NBEA: variants seen among roughly 807,000 people sequenced by gnomAD.
NBEA encodes neurobeachin.
A neutral mutation model predicts 343.4 loss-of-function variants in NBEA; 44 were observed. That is an observed-to-expected ratio of 0.13 (90% confidence interval 0.10 to 0.16). The LOEUF is 0.16. Among genes scored for constraint, NBEA ranks in the 10% least tolerant of loss-of-function variants. The pLI is 1.00. For synonymous variants in NBEA, 1,175 were observed against 1,238.7 expected, an observed-to-expected ratio of 0.95 and a Z score of 1.08; for missense variants, 2,555 against 3,631.3, an observed-to-expected ratio of 0.70 and a Z score of 7.62.
Position 34,993,031 on chromosome 13 carries a change from A to G in NBEA, c.295-47902A>G, listed in dbSNP as rs111407875. Among the ~76,000 whole-genome samples, 245 of 152,054 alleles carry G rather than the reference A, an allele frequency of 1.6e-3. 1 individual carries two copies. The highest frequency in any genetic ancestry group is 4.5e-3 in the African/African-American group (185 of 41,518). ...CTTCTGAGCCCTTGCATGATCTCCA[A>G]TGAGTCTCATCTCCTGCTACTGTTG... On this transcript the variant is annotated intron_variant, in intron 1 of 58. Transcript: ENST00000379939.
rs573000370 is a variant in NBEA at position 35,169,060 on chromosome 13, A to G, written c.4242+65A>G. ...CAAGTTTTATTTTTACTTATTTATG[A>G]AATTTTTGACTTGGTTATATTTTGA... On this transcript the variant is annotated intron_variant, in intron 25 of 58. Transcript: ENST00000379939. The G allele has an allele frequency of 1.2e-3, 1,541 of 1,290,456 alleles. 39 individuals are homozygous for G. In the South Asian group the frequency reaches 0.023, roughly 19 times the overall value. 79.9% of individuals were successfully genotyped at this position (1,290,456 alleles called of 1,614,324 possible). A position where few individuals can be genotyped will look rare whatever the true frequency, so the allele number is the denominator to read the frequency against.
intron 1 of NBEA, among the ~76,000 whole-genome samples, chr13:34,962,814 T>G (rs529449656): frequency 5.3e-5 from 8 of 152,044 alleles, no homozygotes; most frequent in Non-Finnish European, 1.2e-4. Context: ...AGATGTGTTT[T>G]GTGAAGATTT....
chr13:35,159,701 A>G lies in NBEA; in HGVS notation c.3530A>G (p.His1177Arg). 1.2e-6 allele frequency: 2 copies of G among 1,613,102 alleles called. No homozygotes were observed. Among genetic ancestry groups the G allele is most frequent in the South Asian group, 2.2e-5 (2 of 90,988 alleles). Residue 1177 changes from histidine (H) to arginine (R), a missense_variant, in exon 22 of 59, where the codon CAT becomes CGT. This residue lies in a region of NBEA where 367 missense variants were observed against 377.5 expected (regional missense o/e 0.97). Coordinates refer to ENST00000379939, the MANE Select transcript of NBEA (RefSeq NM_001385012.1). ...CCAAATATTCAGGACACACAAGTAC[A>G]TCTTGGTGTTAGTGATGATCTTGGA... The part of the protein sequence containing the change: ...IIPNIQDTQV[H>R]LGVSDDLGLL...
Position 35,575,314 on chromosome 13 carries a change from G to A in NBEA, c.7035+8297G>A, listed in dbSNP as rs2080682433. Among the ~76,000 whole-genome samples, 3 of 152,160 alleles carry A rather than the reference G, an allele frequency of 2.0e-5. No homozygotes were observed. The South Asian group carries it at 6.2e-4, about 31-fold the overall frequency. The stretch of plus-strand genomic sequence containing the variant: ...AACAGTATAAAATTGCAAAGGGAAT[G>A]TTTAATCCACACTTACAAGAACGTA... On this transcript the variant is annotated intron_variant, in intron 45 of 58. Coordinates refer to ENST00000379939, the MANE Select transcript of NBEA (RefSeq NM_001385012.1).
chr13:34,948,400 A>G (rs1202622268), intron 1 of NBEA, among the ~76,000 whole-genome samples: 1 of 152,184 alleles, frequency 6.6e-6, no homozygotes, highest in Admixed American at 6.5e-5. Context: ...GTAAATTCTT[A>G]AGAGTTGTAG....
intron 41 of NBEA, among the ~76,000 whole-genome samples, chr13:35,528,802 A>C (rs552628824): frequency 1.3e-5 from 2 of 152,314 alleles, no homozygotes; most frequent in East Asian, 3.9e-4. Context: ...AAACTAAGTC[A>C]TATCTTCTTA....
intron 38 of NBEA, among the ~76,000 whole-genome samples, chr13:35,356,896 C>T (rs1594334332): frequency 6.6e-6 from 1 of 152,126 alleles, no homozygotes. Context: ...GAGTGGATTT[C>T]TCTGACCTTT....
intron 34 of NBEA, among the ~76,000 whole-genome samples, chr13:35,284,635 A>G (rs966008245): frequency 6.6e-6 from 1 of 152,088 alleles, no homozygotes; most frequent in Non-Finnish European, 1.5e-5. Flanking sequence ...CATTATTGTT[A>G]TTTCAAAGGA....
chr13:35,649,638 C>G lies in NBEA; in HGVS notation c.7771-17C>G. The G allele has an allele frequency of 6.3e-7, 1 of 1,596,652 alleles. No homozygotes were observed. The highest frequency in any genetic ancestry group is 2.2e-5 in the East Asian group (1 of 44,766). On this transcript the variant is annotated splice_polypyrimidine_tract_variant and intron_variant, in intron 51 of 58. Coordinates refer to ENST00000379939, the MANE Select transcript of NBEA (RefSeq NM_001385012.1). ...TCCTTTTGTCTTCCTCTGTTCTCTT[C>G]CCTTTCTATTCAACAGTGTTTCCTT...
rs534937174 is a variant in NBEA at position 35,456,989 on chromosome 13, TATATATAG to T, written c.6448+4768_6448+4775del. Among the ~76,000 whole-genome samples the T allele has an allele frequency of 5.9e-3, 891 of 150,852 alleles. 7 individuals carry two copies. Among genetic ancestry groups the T allele is most frequent in the South Asian group, 0.013 (61 of 4,810 alleles). ...ATACGTATATTGTTATTAGTTTATATATATATAGATATATAGATATAGATATATATGTT... is the reference window on the plus strand; with the variant it reads ...ATACGTATATTGTTATTAGTTTATATATATATAGATATAGATATATATGTT... On this transcript the variant is annotated intron_variant, in intron 40 of 58. Coordinates refer to ENST00000379939, the MANE Select transcript of NBEA (RefSeq NM_001385012.1).
At chr13:35,557,722 T>C (rs983934696) in intron 44 of NBEA, among the ~76,000 whole-genome samples, 2 of 152,084 alleles carry the variant, frequency 1.3e-5, no homozygotes, top group African/African-American at 4.8e-5. Flanking sequence ...GATGAATAAG[T>C]GAAATACACG....
intron 38 of NBEA, among the ~76,000 whole-genome samples, chr13:35,427,551 G>A (rs1440761833): frequency 6.6e-6 from 1 of 152,048 alleles, no homozygotes; most frequent in Non-Finnish European, 1.5e-5. Context: ...CTACTGGGGG[G>A]TGCCTCCCAG....
At chr13:34,989,490 A>G (rs2060672956) in intron 1 of NBEA, among the ~76,000 whole-genome samples, 1 of 150,886 alleles carries the variant, frequency 6.6e-6, no homozygotes, top group Non-Finnish European at 1.5e-5. Flanking sequence ...GGGAAGTGCT[A>G]CATATTCTTA....
chr13:35,440,127 G>A (rs777284764), intron 39 of NBEA, among the ~76,000 whole-genome samples: 5 of 152,148 alleles, frequency 3.3e-5, no homozygotes, highest in East Asian at 1.9e-4. Flanking sequence ...TGATCCACCC[G>A]TCTTGGCCTC....
chr13:35,570,682 C>G (rs1348705092), intron 45 of NBEA, among the ~76,000 whole-genome samples: 1 of 152,174 alleles, frequency 6.6e-6, no homozygotes, highest in Non-Finnish European at 1.5e-5. Context: ...TAATAAATTA[C>G]TCGTGCATTG....
chr13:35,409,612 A>T (rs969925450), intron 38 of NBEA, among the ~76,000 whole-genome samples: 1 of 152,168 alleles, frequency 6.6e-6, no homozygotes, highest in Non-Finnish European at 1.5e-5. Context: ...TATGTAACTA[A>T]TAATAAGTTA....
chr13:35,117,848 A>T (rs961144872), intron 14 of NBEA, among the ~76,000 whole-genome samples: 2 of 152,040 alleles, frequency 1.3e-5, no homozygotes, highest in Admixed American at 1.3e-4. Context: ...TTAAGATGAA[A>T]CCAAAGTGAA....
chr13:35,409,164 A>G (rs1248170446), intron 38 of NBEA, among the ~76,000 whole-genome samples: 1 of 152,306 alleles, frequency 6.6e-6, no homozygotes, highest in East Asian at 1.9e-4. Flanking sequence ...CTGTGCTTCC[A>G]TGAAAAAGAA....
chr13:35,283,764 G>A (rs2035221125), intron 34 of NBEA, among the ~76,000 whole-genome samples: 1 of 152,048 alleles, frequency 6.6e-6, no homozygotes, highest in South Asian at 2.1e-4. Context: ...ACATTATTCA[G>A]GGGAAATTTT....
Sources: gnomAD v4.1 joint callset for allele counts (sites outside exome capture counted in the v4.1 genomes callset) on GRCh38, gnomAD v4.1.1 for gene constraint, gnomAD v4.1.1 regional missense constraint, MANE v1.5 for transcripts, NCBI Gene and HGNC (gene_info 2026-07-23, HGNC 2026-07-21) for gene names.